Variants in PCGF3 observed in about 807,000 individuals in gnomAD.
PCGF3 encodes the protein polycomb group ring finger 3, also known as polycomb group RING finger protein 3.
PCGF3 carries 7 observed loss-of-function variants against 33.1 expected under a neutral mutation model. The ratio of observed to expected loss-of-function variants is 0.21; its 90% CI spans 0.12 to 0.40. PCGF3 has a LOEUF of 0.40. Among genes scored for constraint, PCGF3 ranks in the 10% least tolerant of loss-of-function variants. The pLI, the probability that PCGF3 is intolerant of heterozygous loss-of-function variation, is 1.00. For missense variants in PCGF3, 211 were observed against 313.3 expected (o/e 0.67, Z 2.46); for synonymous variants, 153 against 121.3 (o/e 1.26, Z -1.72).
At chr4:724,064 A>T (rs937967340) in intron 1 of PCGF3, 3 of 152,278 alleles carry the variant, frequency 2.0e-5, no homozygotes, top group African/African-American at 7.2e-5. Context: ...TTAACAGTCA[A>T]GGAATGTTCG....
intron 8 of PCGF3, among the ~76,000 whole-genome samples, chr4:748,684 CG>C (rs1362062331): frequency 6.6e-6 from 1 of 152,166 alleles, no homozygotes; most frequent in African/African-American, 2.4e-5. Flanking sequence ...TTCATGACCC[CG>C]GTTTCACTGC....
intron 8 of PCGF3, among the ~76,000 whole-genome samples, chr4:756,432 C>T (rs1019337495): frequency 1.4e-4 from 20 of 146,582 alleles, no homozygotes; most frequent in Middle Eastern, 4.1e-3. Context: ...CGTCTGGCCT[C>T]GAACTCCTGA....
chr4:757,450 G>A (rs1038667018), intron 8 of PCGF3: 3 of 152,364 alleles, frequency 2.0e-5, no homozygotes, highest in East Asian at 3.9e-4. Context: ...GTATAGAAAC[G>A]TTTCTCGTCT....
At chr4:752,847 A>C (rs1185809977) in intron 8 of PCGF3, among the ~76,000 whole-genome samples, 2 of 151,964 alleles carry the variant, frequency 1.3e-5, no homozygotes, top group Admixed American at 6.6e-5. Flanking sequence ...AGATCCAAAC[A>C]CTCGGCCTCC....
chr4:754,134 G>A (rs1042429726), intron 8 of PCGF3, among the ~76,000 whole-genome samples: 2 of 152,294 alleles, frequency 1.3e-5, no homozygotes, highest in African/African-American at 4.8e-5. Context: ...CTGTTGACTT[G>A]GTGGGTGTGA....
chr4:766,947 T>C (rs779247866), exon 11 of PCGF3: 3 of 152,336 alleles, frequency 2.0e-5, no homozygotes, highest in Admixed American at 6.5e-5. Flanking sequence ...TGTTTTGATT[T>C]TGCTGAAGGG....
At chr4:740,481 G>A (rs1442117182) in intron 6 of PCGF3, among the ~76,000 whole-genome samples, 2 of 152,272 alleles carry the variant, frequency 1.3e-5, no homozygotes, top group East Asian at 1.9e-4. Flanking sequence ...CTCGGTGGGC[G>A]TGTCATGGTC....
At chr4:764,033 G>T (rs556865305) in intron 9 of PCGF3, among the ~76,000 whole-genome samples, 2 of 152,318 alleles carry the variant, frequency 1.3e-5, no homozygotes, top group South Asian at 4.1e-4. Flanking sequence ...AGGCTGCAGG[G>T]GCTTGAGGAG....
intron 9 of PCGF3, among the ~76,000 whole-genome samples, chr4:763,014 A>T (rs1745151325): frequency 1.3e-5 from 2 of 151,838 alleles, no homozygotes; most frequent in Non-Finnish European, 2.9e-5. Flanking sequence ...CTGTCAGGTC[A>T]TGGGGGGCCA....
intron 1 of PCGF3, among the ~76,000 whole-genome samples, chr4:723,272 T>C (rs1294695961): frequency 1.3e-5 from 2 of 152,210 alleles, no homozygotes; most frequent in Non-Finnish European, 1.5e-5. Flanking sequence ...CCGGGAGCCA[T>C]GGAGCCACGT....
chr4:707,674 G>C (rs1441795541), intron 1 of PCGF3, among the ~76,000 whole-genome samples: 1 of 138,026 alleles, frequency 7.2e-6, no homozygotes, highest in African/African-American at 2.7e-5. Flanking sequence ...TCGGGACCCT[G>C]GGACAGCTCT....
At chr4:769,064 TGA>T (rs1745506141) in exon 11 of PCGF3, 3 of 152,818 alleles carry the variant, frequency 2.0e-5, no homozygotes, top group Admixed American at 2.0e-4. Flanking sequence ...GGGTTGTGTG[TGA>T]GTGCCCGTCA....
chr4:718,502 G>A (rs1405758581), intron 1 of PCGF3, among the ~76,000 whole-genome samples: 1 of 152,238 alleles, frequency 6.6e-6, no homozygotes, highest in East Asian at 1.9e-4. Context: ...AAAAATGAGA[G>A]CTGATGTGCG....
intron 4 of PCGF3, 186 bp downstream of exon 4, chr4:733,975 G>A: frequency 6.4e-7 from 1 of 1,551,350 alleles, no homozygotes; most frequent in Middle Eastern, 1.7e-4. Flanking sequence ...AGGTCCTGTG[G>A]GTGGTGTCAG....
intron 1 of PCGF3, among the ~76,000 whole-genome samples, chr4:706,454 CCAGGGAGGGCAAAGACCCCAGAA>C (rs1372310755): frequency 0.013 from 1,819 of 135,082 alleles, 59 homozygotes; most frequent in African/African-American, 0.046. Context: ...CAGGCAGGAC[CCAGGGAGGGCAAAGACCCCAGAA>C]CAGGGAGGGC....
intron 8 of PCGF3, among the ~76,000 whole-genome samples, chr4:749,882 A>G (rs4690192): frequency 0.2 from 31,188 of 152,268 alleles, 3,718 homozygotes; most frequent in Middle Eastern, 0.27. Flanking sequence ...CAATGGTGCA[A>G]TCACAGCTCC....
intron 9 of PCGF3, among the ~76,000 whole-genome samples, chr4:763,681 C>A (rs567709382): frequency 3.9e-5 from 6 of 152,192 alleles, no homozygotes; most frequent in Non-Finnish European, 5.9e-5. Context: ...AACACACTCT[C>A]GGCAAACCAC....
At chr4:716,509 G>A (rs201672965) in intron 1 of PCGF3, among the ~76,000 whole-genome samples, 3,818 of 120,006 alleles carry the variant, frequency 0.032, 151 homozygotes, top group East Asian at 0.055. Context: ...TGGACACTGC[G>A]AGTGTGAGAA....
At chr4:754,324 C>CCT (rs1196819400) in intron 8 of PCGF3, among the ~76,000 whole-genome samples, 4 of 152,228 alleles carry the variant, frequency 2.6e-5, no homozygotes, top group African/African-American at 7.2e-5. Context: ...CTGTCCGCAC[C>CCT]CTCGGGCACG....
Sources: gnomAD v4.1 joint callset for allele counts (sites outside exome capture counted in the v4.1 genomes callset) on GRCh38, gnomAD v4.1.1 for gene constraint, MANE v1.5 for transcripts, NCBI Gene and HGNC (gene_info 2026-07-23, HGNC 2026-07-21) for gene names.